Variants in DENND2B observed in about 807,000 individuals in gnomAD.
DENND2B encodes DENN domain-containing protein 2B.
Under a neutral mutation model 116.0 loss-of-function variants are expected in DENND2B, and 32 were observed. The ratio of observed to expected loss-of-function variants is 0.28; its 90% CI spans 0.21 to 0.37. The LOEUF (loss-of-function observed/expected upper bound fraction) is 0.37, where lower values mean the gene tolerates loss of function less well. DENND2B is among the 10% of genes least tolerant of loss of function. The probability of loss-of-function intolerance (pLI) is 1.00; values close to 1 mark genes in which losing one functional copy is unlikely to be tolerated. For synonymous variants in DENND2B, 588 were observed against 583.9 expected, an observed-to-expected ratio of 1.01 and a Z score of -0.10; for missense variants, 1,276 against 1,477.7, an observed-to-expected ratio of 0.86 and a Z score of 2.24.
chr11:8,851,303 CAATT>C (rs1367768901), intron 3 of DENND2B, among the ~76,000 whole-genome samples: 7 of 151,022 alleles, frequency 4.6e-5, no homozygotes, highest in Non-Finnish European at 8.8e-5. Context: ...TAAATATATA[CAATT>C]ATTTGTCAAT....
In DENND2B at chr11:8,702,672, A is replaced by G; in HGVS notation, c.2620T>C (p.Phe874Leu). Residue 874 changes from phenylalanine to leucine, a missense_variant, in exon 14 of 20, where the codon TTT becomes CTT. Phe to Leu is a conservative substitution (Grantham distance 22). Transcript: ENST00000313726. The surrounding 1 kb of genome is among the most constrained non-coding windows in gnomAD (Gnocchi z 4.6). ...CTGAGGCAGGTAAAAAGGCACTCAA[A>G]GTCCACGTGCTCCAGCCTTGAGTCC... ...PMDSRLEHVD[F>L]ECLFTCLSVR... is the part of the protein sequence containing the mutation. 1.9e-6 allele frequency: 3 copies of G among 1,614,002 alleles called. No individual in the cohort carries two copies. Among genetic ancestry groups the G allele is most frequent in the Middle Eastern group, 3.3e-4 (2 of 6,062 alleles).
intron 2 of DENND2B, among the ~76,000 whole-genome samples, chr11:8,870,172 T>A: frequency 6.6e-6 from 1 of 152,240 alleles, no homozygotes; most frequent in East Asian, 1.9e-4. Flanking sequence ...GGACTAAGGC[T>A]GTACTAAGGC....
At chr11:8,722,773 C>T (rs759602453) in intron 4 of DENND2B, among the ~76,000 whole-genome samples, 13 of 152,188 alleles carry the variant, frequency 8.5e-5, no homozygotes, top group Non-Finnish European at 1.5e-4. Context: ...ACCCCCACCA[C>T]CCCACGAGGC....
chr11:8,828,995 T>G (rs915288696), intron 4 of DENND2B, among the ~76,000 whole-genome samples: 1 of 147,844 alleles, frequency 6.8e-6, no homozygotes, highest in Admixed American at 6.7e-5. Flanking sequence ...ATGTGTGTGG[T>G]GTGTGTGTAG....
At chr11:8,824,588 C>G (rs2061899184) in intron 4 of DENND2B, among the ~76,000 whole-genome samples, 1 of 152,144 alleles carries the variant, frequency 6.6e-6, no homozygotes, top group South Asian at 2.1e-4. Context: ...TTTTCTTTAA[C>G]CAGTCTACTG....
At chr11:8,885,054 T>C (rs2063945676) in intron 1 of DENND2B, among the ~76,000 whole-genome samples, 1 of 152,252 alleles carries the variant, frequency 6.6e-6, no homozygotes, top group Non-Finnish European at 1.5e-5. Flanking sequence ...TTGGTACCTG[T>C]GTGACAACCT....
At chr11:8,721,484 T>A (rs1283223880) in intron 4 of DENND2B, among the ~76,000 whole-genome samples, 1 of 123,802 alleles carries the variant, frequency 8.1e-6, no homozygotes, top group Non-Finnish European at 1.7e-5. Flanking sequence ...GGGTCCTGGG[T>A]CTGCAGCTTC....
chr11:8,794,258 C>T (rs1006586683), intron 1 of DENND2B, among the ~76,000 whole-genome samples: 2 of 152,200 alleles, frequency 1.3e-5, no homozygotes, highest in African/African-American at 4.8e-5. Flanking sequence ...GGTGAGAAGA[C>T]CTGAGTCCCA....
At chr11:8,883,019 T>A (rs569858172) in intron 1 of DENND2B, among the ~76,000 whole-genome samples, 1 of 152,302 alleles carries the variant, frequency 6.6e-6, no homozygotes, top group South Asian at 2.1e-4. Context: ...ATATTATTTT[T>A]AAAATAAACA....
At chr11:8,772,987 C>T (rs2057153195) in intron 1 of DENND2B, among the ~76,000 whole-genome samples, 1 of 152,266 alleles carries the variant, frequency 6.6e-6, no homozygotes, top group Admixed American at 6.5e-5. Flanking sequence ...TCATTTCTGC[C>T]CCGCTCTGAG....
At chr11:8,754,029 G>GCGCGCGCACACACACACACACACA (rs146486674) in intron 1 of DENND2B, among the ~76,000 whole-genome samples, 42 of 138,736 alleles carry the variant, frequency 3.0e-4, no homozygotes, top group African/African-American at 1.2e-3. Context: ...CCAAAAGCGC[G>GCGCGCGCACACACACACACACACA]CACACACACA....
At chr11:8,832,414 T>C (rs980099446) in intron 4 of DENND2B, 2 of 146,160 alleles carry the variant, frequency 1.4e-5, no homozygotes, top group Admixed American at 1.4e-4. Context: ...ATTGTGCCAT[T>C]GCACTCCAGC....
chr11:8,812,850 G>A (rs981434966), upstream of DENND2B, among the ~76,000 whole-genome samples: 3 of 152,224 alleles, frequency 2.0e-5, no homozygotes, highest in African/African-American at 7.2e-5. Context: ...CACTGGGACA[G>A]TTAATACCCT....
intron 1 of DENND2B, among the ~76,000 whole-genome samples, chr11:8,794,463 G>C (rs2059644032): frequency 6.6e-6 from 1 of 152,174 alleles, no homozygotes; most frequent in Non-Finnish European, 1.5e-5. Flanking sequence ...GCTATGTATG[G>C]GTAGCCGTCT....
intron 1 of DENND2B, chr11:8,776,185 C>CACACACA (rs772460904): frequency 4.0e-5 from 18 of 452,450 alleles, no homozygotes; most frequent in Non-Finnish European, 6.2e-5. Context: ...CACACACACA[C>CACACACA]ACCTACCTCT....
At chr11:8,769,263 A>G (rs2056448733) in intron 1 of DENND2B, among the ~76,000 whole-genome samples, 1 of 148,298 alleles carries the variant, frequency 6.7e-6, no homozygotes, top group South Asian at 2.1e-4. Context: ...TTGAGACAAG[A>G]GTCTCACTTT....
chr11:8,786,539 G>A (rs2058917543), intron 1 of DENND2B, among the ~76,000 whole-genome samples: 1 of 152,192 alleles, frequency 6.6e-6, no homozygotes, highest in African/African-American at 2.4e-5. Flanking sequence ...GGCCAGGCAT[G>A]GTGGCTCATG....
chr11:8,702,792 A>T lies in DENND2B; in HGVS notation c.2572-72T>A. On this transcript the variant is annotated intron_variant, in intron 13 of 19. Coordinates refer to ENST00000313726, the MANE Select transcript of DENND2B (RefSeq NM_213618.2). The surrounding 1 kb of genome is among the most constrained non-coding windows in gnomAD (Gnocchi z 4.6). ...GCTGCCCTCTGGCCCTCCACGAAGCAACTGGAGCTGCTTTCCCCTTCCAAC... is the reference window on the plus strand; with the variant it reads ...GCTGCCCTCTGGCCCTCCACGAAGCTACTGGAGCTGCTTTCCCCTTCCAAC... 1 of 1,509,208 alleles carries T rather than the reference A, an allele frequency of 6.6e-7. No homozygotes were observed. Among genetic ancestry groups the T allele is most frequent in the Non-Finnish European group, 8.9e-7 (1 of 1,129,684 alleles). The allele number at this position is 1,509,208 out of a possible 1,614,324, so 93.5% of individuals were successfully genotyped here.
chr11:8,753,618 G>A (rs2052982679), intron 1 of DENND2B, among the ~76,000 whole-genome samples: 1 of 151,564 alleles, frequency 6.6e-6, no homozygotes, highest in South Asian at 2.1e-4. Flanking sequence ...TCTTGAAAAA[G>A]ATGAACAAAG....
Sources: gnomAD v4.1 joint callset for allele counts (sites outside exome capture counted in the v4.1 genomes callset) on GRCh38, gnomAD v4.1.1 for gene constraint, Gnocchi (gnomAD v3.1) non-coding constraint, MANE v1.5 for transcripts, NCBI Gene and HGNC (gene_info 2026-07-23, HGNC 2026-07-21) for gene names.